The following HTR2C variants were observed in gnomAD, a reference collection of about 807,000 sequenced individuals.
HTR2C encodes 5-hydroxytryptamine (serotonin) receptor 2C, G protein-coupled.
HTR2C carries 5 observed loss-of-function variants against 21.0 expected under a neutral mutation model. The ratio of observed to expected loss-of-function variants is 0.24; its 90% confidence interval spans 0.12 to 0.50. HTR2C has a LOEUF of 0.50. Ranked by LOEUF, HTR2C falls within the 20% of genes least tolerant of loss-of-function variation. The pLI is 0.98. For missense variants in HTR2C, 271 were observed against 371.2 expected (o/e 0.73, Z 2.22); for synonymous variants, 150 against 145.3 (o/e 1.03, Z -0.23).
intron 1 of HTR2C, among the ~76,000 whole-genome samples, chrX:114,602,656 A>G (rs367816880): frequency 1.4e-5 from 1 of 69,571 alleles, no homozygotes. Flanking sequence ...GGAAAGCTAA[A>G]CTGAGGAATT....
chrX:114,876,953 A>C (rs185629148), intron 5 of HTR2C, among the ~76,000 whole-genome samples: 95 of 111,075 alleles, frequency 8.6e-4, no homozygotes, highest in African/African-American at 2.7e-3. Context: ...GGTAATGCTG[A>C]CTTTGTAAAA....
At chrX:114,585,081 G>A (rs1040826172) in intron 1 of HTR2C, among the ~76,000 whole-genome samples, 28 of 110,086 alleles carry the variant, frequency 2.5e-4, no homozygotes, top group African/African-American at 9.3e-4. Flanking sequence ...ATGCAACTGA[G>A]TTGCAGGACC....
chrX:114,879,872 C>G (rs1181889145), intron 5 of HTR2C, among the ~76,000 whole-genome samples: 1 of 110,697 alleles, frequency 9.0e-6, no homozygotes, highest in African/African-American at 3.3e-5. Context: ...CATATTTTTG[C>G]AATTGCGAAT....
intron 2 of HTR2C, among the ~76,000 whole-genome samples, chrX:114,672,579 A>G (rs1193058548): frequency 8.9e-6 from 1 of 111,945 alleles, no homozygotes; most frequent in Non-Finnish European, 1.9e-5. Flanking sequence ...TACCTATAAA[A>G]TGGGTATTCC....
chrX:114,837,897 T>C, intron 4 of HTR2C, among the ~76,000 whole-genome samples: 1 of 111,567 alleles, frequency 9.0e-6, no homozygotes, highest in Non-Finnish European at 1.9e-5. Flanking sequence ...ATATTTGTTG[T>C]AGGTTCTTAG....
At chrX:114,608,001 C>T (rs1027942212) in intron 1 of HTR2C, among the ~76,000 whole-genome samples, 1 of 111,160 alleles carries the variant, frequency 9.0e-6, no homozygotes, top group Admixed American at 9.6e-5. Flanking sequence ...AAAACAAAAT[C>T]TAGCCTTTCA....
chrX:114,878,529 T>C (rs2071156496), intron 5 of HTR2C, among the ~76,000 whole-genome samples: 1 of 110,916 alleles, frequency 9.0e-6, no homozygotes, highest in African/African-American at 3.3e-5. Context: ...ATCTTTTGAC[T>C]TTTATTTAAT....
chrX:114,721,851 G>A (rs1933231389), intron 2 of HTR2C, among the ~76,000 whole-genome samples: 1 of 107,291 alleles, frequency 9.3e-6, no homozygotes, highest in Non-Finnish European at 1.9e-5. Context: ...TATTTCTGAG[G>A]GCTCTGTTCT....
chrX:114,744,654 G>A (rs1419542921), intron 4 of HTR2C, among the ~76,000 whole-genome samples: 2 of 109,876 alleles, frequency 1.8e-5, no homozygotes, highest in Non-Finnish European at 3.8e-5. Context: ...GAGTTTCACC[G>A]TGTTAGCCAG....
chrX:114,707,606 A>G (rs1397530693), intron 2 of HTR2C, among the ~76,000 whole-genome samples: 2 of 111,119 alleles, frequency 1.8e-5, no homozygotes, highest in Non-Finnish European at 3.8e-5. Context: ...CTTCTTTTAA[A>G]GATGAAGGTG....
At chrX:114,791,350 A>G (rs2070230515) in intron 4 of HTR2C, among the ~76,000 whole-genome samples, 1 of 112,281 alleles carries the variant, frequency 8.9e-6, no homozygotes, top group South Asian at 3.6e-4. Context: ...CAACACATCA[A>G]AATTGACAAA....
intron 2 of HTR2C, chrX:114,631,001 A>G (rs1929594258): frequency 4.1e-6 from 1 of 246,264 alleles, no homozygotes; most frequent in Admixed American, 3.7e-5. Flanking sequence ...AACTGCTATT[A>G]CTAGAAAAGC....
At chrX:114,645,664 A>G (rs1386083557) in intron 2 of HTR2C, among the ~76,000 whole-genome samples, 1 of 111,844 alleles carries the variant, frequency 8.9e-6, no homozygotes, top group Non-Finnish European at 1.9e-5. Flanking sequence ...AGGTACATGC[A>G]CTGTGTGTTT....
intron 4 of HTR2C, among the ~76,000 whole-genome samples, chrX:114,834,059 T>C (rs1214691069): frequency 9.0e-6 from 1 of 111,267 alleles, no homozygotes; most frequent in Non-Finnish European, 1.9e-5. Context: ...CAGTGTGGTC[T>C]GAGAGATAGT....
In HTR2C at chrX:114,661,132, G is replaced by A. The variant is rs145416104; in HGVS notation, c.-80+47251G>A. ...CCCTGGAAGTATGTTTCTTGCCTTC[G>A]GAAGTAGAGTGATGCATTATCTGGT... On this transcript the variant is annotated intron_variant, in intron 2 of 5. Transcript: ENST00000276198. Among the ~76,000 whole-genome samples, 118 of 112,116 alleles carry A rather than the reference G, an allele frequency of 1.1e-3. 1 individual carries two copies. The East Asian group carries it at 0.026, about 25-fold the overall frequency.
intron 2 of HTR2C, among the ~76,000 whole-genome samples, chrX:114,623,375 C>A (rs1167817943): frequency 3.6e-5 from 4 of 112,123 alleles, no homozygotes; most frequent in Non-Finnish European, 5.6e-5. Context: ...TTAACTCCTC[C>A]AAGCCTTACT....
intron 2 of HTR2C, among the ~76,000 whole-genome samples, chrX:114,631,434 C>G (rs1929624049): frequency 8.9e-6 from 1 of 111,872 alleles, no homozygotes; most frequent in Non-Finnish European, 1.9e-5. Flanking sequence ...ACATTAACCC[C>G]TCTTAGACTC....
intron 2 of HTR2C, among the ~76,000 whole-genome samples, chrX:114,680,901 A>G (rs900806709): frequency 9.0e-6 from 1 of 111,150 alleles, no homozygotes; most frequent in Non-Finnish European, 1.9e-5. Flanking sequence ...CCTTTATCCT[A>G]TTTGTTTCAA....
chrX:114,641,957 C>T (rs1208839433), intron 2 of HTR2C, among the ~76,000 whole-genome samples: 1 of 111,297 alleles, frequency 9.0e-6, no homozygotes, highest in Non-Finnish European at 1.9e-5. Flanking sequence ...CACGTTTTCT[C>T]ACTGTTCAGC....
Sources: allele counts gnomAD v4.1 joint callset (sites outside exome capture counted in the v4.1 genomes callset), GRCh38; gene constraint gnomAD v4.1.1; transcripts MANE v1.5; gene names NCBI Gene and HGNC (gene_info 2026-07-23, HGNC 2026-07-21).